PDE3A: variants seen among roughly 807,000 people sequenced by gnomAD.
PDE3A encodes phosphodiesterase 3A.
PDE3A carries 43 observed loss-of-function variants against 98.3 expected under a neutral mutation model. The ratio of observed to expected loss-of-function variants is 0.44; its 90% confidence interval spans 0.34 to 0.56. The LOEUF is 0.56. Ranked by LOEUF, PDE3A falls within the 20% of genes least tolerant of loss-of-function variation. PDE3A has a pLI of 0.01. For missense variants in PDE3A, 1,427 were observed against 1,440.7 expected (o/e 0.99, Z 0.15); for synonymous variants, 663 against 567.9 (o/e 1.17, Z -2.38).
chr12:20,529,642 G>T (rs1946588957), intron 1 of PDE3A, among the ~76,000 whole-genome samples: 2 of 152,112 alleles, frequency 1.3e-5, no homozygotes, highest in South Asian at 4.2e-4. Context: ...CCCAAGAATT[G>T]CCAGCAAACC....
intron 1 of PDE3A, among the ~76,000 whole-genome samples, chr12:20,396,767 G>T (rs374755027): frequency 7.2e-5 from 11 of 151,984 alleles, no homozygotes; most frequent in African/African-American, 1.9e-4. Flanking sequence ...TTACCTAAGG[G>T]TTAGTTTGCC....
intron 2 of PDE3A, among the ~76,000 whole-genome samples, chr12:20,560,489 A>G (rs1471285723): frequency 6.6e-6 from 1 of 152,192 alleles, no homozygotes; most frequent in African/African-American, 2.4e-5. Flanking sequence ...GACATTAGTG[A>G]ACTTTCAAAA....
chr12:20,556,901 C>A, intron 2 of PDE3A, 191 bp downstream of exon 2: 1 of 626,832 alleles, frequency 1.6e-6, no homozygotes, highest in Non-Finnish European at 2.9e-6. Flanking sequence ...CAGGATATTC[C>A]TTCTAAGAGC....
chr12:20,417,102 A>G (rs146943183), intron 1 of PDE3A, among the ~76,000 whole-genome samples: 2 of 152,324 alleles, frequency 1.3e-5, no homozygotes, highest in Non-Finnish European at 2.9e-5. Flanking sequence ...TTCATGCTAT[A>G]ATGTGGACAT....
intron 15 of PDE3A, among the ~76,000 whole-genome samples, chr12:20,671,640 AATTCAACAACC>A (rs1337758097): frequency 6.6e-6 from 1 of 150,706 alleles, no homozygotes; most frequent in Non-Finnish European, 1.5e-5. Context: ...CCTTTGACAA[AATTCAACAACC>A]CTTCATGCTA....
At chr12:20,553,735 G>T (rs1008865645) in intron 1 of PDE3A, among the ~76,000 whole-genome samples, 1 of 152,262 alleles carries the variant, frequency 6.6e-6, no homozygotes, top group Non-Finnish European at 1.5e-5. Flanking sequence ...GACGCTGTCC[G>T]ACGAAGGCGG....
intron 1 of PDE3A, among the ~76,000 whole-genome samples, chr12:20,415,708 A>G (rs1369968914): frequency 2.6e-5 from 4 of 152,196 alleles, no homozygotes. Context: ...GAGTGCTAGG[A>G]TTACAGGCGT....
intron 15 of PDE3A, among the ~76,000 whole-genome samples, chr12:20,673,761 G>A (rs1379692587): frequency 3.6e-4 from 53 of 149,074 alleles, no homozygotes; most frequent in Non-Finnish European, 7.1e-4. Context: ...TGACGAGTTA[G>A]TGGGTGCAGT....
At position 20,634,888 on chromosome 12, in the gene PDE3A, T is replaced by G; in HGVS notation, c.1847-14T>G. ...TTGTAGATCTTGTAATAAGTTGTTC[T>G]CTTTTAATTGTAGATGACACTGCTC... On this transcript the variant is annotated splice_polypyrimidine_tract_variant and intron_variant, in intron 7 of 15. Transcript: ENST00000359062. The G allele has an allele frequency of 6.3e-7, 1 of 1,599,914 alleles. No homozygotes were observed. The highest frequency in any genetic ancestry group is 8.6e-7 in the Non-Finnish European group (1 of 1,168,208).
chr12:20,593,887 T>C (rs1390653922), intron 2 of PDE3A, among the ~76,000 whole-genome samples: 12 of 151,924 alleles, frequency 7.9e-5, no homozygotes, highest in Non-Finnish European at 1.5e-4. Context: ...GGGCACAGAT[T>C]AATGTGGATA....
At chr12:20,512,060 A>G (rs1284634391) in intron 1 of PDE3A, among the ~76,000 whole-genome samples, 1 of 152,074 alleles carries the variant, frequency 6.6e-6, no homozygotes, top group Non-Finnish European at 1.5e-5. Flanking sequence ...AGTCAGGAGG[A>G]ACCTGAGGAG....
intron 1 of PDE3A, among the ~76,000 whole-genome samples, chr12:20,419,272 AT>A (rs969888790): frequency 3.4e-5 from 5 of 145,936 alleles, no homozygotes; most frequent in Middle Eastern, 3.2e-3. Flanking sequence ...TTTTTATTTT[AT>A]TTTTTTTGCT....
chr12:20,459,056 A>T (rs1162178292), intron 1 of PDE3A, among the ~76,000 whole-genome samples: 1 of 152,198 alleles, frequency 6.6e-6, no homozygotes, highest in Non-Finnish European at 1.5e-5. Context: ...CTTTCTTATC[A>T]GATGGAGAAA....
intron 1 of PDE3A, among the ~76,000 whole-genome samples, chr12:20,554,587 T>C (rs1332759461): frequency 6.6e-6 from 1 of 151,560 alleles, no homozygotes; most frequent in Non-Finnish European, 1.5e-5. Context: ...TTTCTTTCTT[T>C]TTTTTTTCTT....
Position 20,552,108 on chromosome 12 carries a change from G to A in PDE3A, c.961-4552G>A, listed in dbSNP as rs1030738121. The A allele has an allele frequency of 9.0e-5, 145 of 1,613,092 alleles. No homozygotes were observed. The highest frequency in any genetic ancestry group is 1.1e-4 in the Non-Finnish European group (131 of 1,179,902). ...AGCTTTCCGGCAACAAGAGGACCGC[G>A]GAACAGTCTTGTGATCAGAAACTCA... On this transcript the variant is annotated intron_variant, in intron 1 of 15. Coordinates refer to ENST00000359062, the MANE Select transcript of PDE3A (RefSeq NM_000921.5). This position sits in a 1 kb window ranked among gnomAD's most constrained non-coding sequence, Gnocchi z 5.1.
chr12:20,510,633 G>A lies in PDE3A; in HGVS notation c.961-46027G>A, dbSNP rs374943247. ...TGAAACTATATATTGGAAAGGGCAA[G>A]AAAAGGGAGTGTAACTCCCAGATGG... is the stretch of plus-strand genomic sequence containing the variant. On this transcript the variant is annotated intron_variant, in intron 1 of 15. Transcript: ENST00000359062. 6.5e-4 allele frequency among the ~76,000 whole-genome samples: 99 copies of A among 152,128 alleles called. 1 individual carries two copies. The South Asian group carries it at 0.019, about 29-fold the overall frequency.
At chr12:20,506,314 G>A (rs948798679) in intron 1 of PDE3A, among the ~76,000 whole-genome samples, 2 of 151,898 alleles carry the variant, frequency 1.3e-5, no homozygotes, top group Non-Finnish European at 2.9e-5. Flanking sequence ...TGTTTTATAT[G>A]TTGTTTCTAT....
intron 2 of PDE3A, among the ~76,000 whole-genome samples, chr12:20,604,145 G>A (rs1275883073): frequency 1.3e-5 from 2 of 151,430 alleles, no homozygotes; most frequent in East Asian, 1.9e-4. Context: ...CTCCAGCCTG[G>A]GCCATAGAGC....
intron 1 of PDE3A, among the ~76,000 whole-genome samples, chr12:20,386,020 T>TATATATAAATATATATAAA (rs1212136484): frequency 3.2e-5 from 2 of 61,812 alleles, no homozygotes; most frequent in African/African-American, 1.4e-4. Context: ...ATATATAAAA[T>TATATATAAATATATATAAA]ATATATATAA....
Sources: gnomAD v4.1 joint callset for allele counts (sites outside exome capture counted in the v4.1 genomes callset) on GRCh38, gnomAD v4.1.1 for gene constraint, Gnocchi (gnomAD v3.1) non-coding constraint, MANE v1.5 for transcripts, NCBI Gene and HGNC (gene_info 2026-07-23, HGNC 2026-07-21) for gene names.